PBRM1: variants seen among roughly 807,000 people sequenced by gnomAD.
The protein encoded by PBRM1 is protein polybromo-1.
Under a neutral mutation model 194.5 loss-of-function variants are expected in PBRM1, and 27 were observed. The observed-to-expected ratio is 0.14, with a 90% CI of 0.10 to 0.19. PBRM1 has a LOEUF of 0.19. Ranked by LOEUF, PBRM1 falls within the 10% of genes least tolerant of loss-of-function variation. The pLI, the probability that PBRM1 is intolerant of heterozygous loss-of-function variation, is 1.00. For missense variants in PBRM1, 1,466 were observed against 2,077.2 expected, an observed-to-expected ratio of 0.71 and a Z score of 5.72; for synonymous variants, 655 against 693.2, an observed-to-expected ratio of 0.94 and a Z score of 0.87.
chr3:52,576,506 T>C, intron 22 of PBRM1, 35 bp downstream of exon 24: 1 of 1,547,460 alleles, frequency 6.5e-7, no homozygotes, highest in South Asian at 1.2e-5. Context: ...TTTGATGGAA[T>C]AAACACGATT....
At chr3:52,668,874 T>C (rs143960145) in intron 2 of PBRM1, among the ~76,000 whole-genome samples, 165 of 151,982 alleles carry the variant, frequency 1.1e-3, no homozygotes, top group African/African-American at 3.8e-3. Context: ...ACGTTAATGA[T>C]ATAAAAACCT....
intron 13 of PBRM1, 28 bp from the exon 15 acceptor site, chr3:52,624,969 G>A (rs981949317): frequency 1.3e-6 from 2 of 1,518,068 alleles, no homozygotes; most frequent in African/African-American, 2.8e-5. Context: ...AACATTACAT[G>A]TAAAGAGAAA....
At chr3:52,662,076 G>A (rs2153913240) in intron 4 of PBRM1, 57 bp downstream of exon 5, 3 of 1,566,996 alleles carry the variant, frequency 1.9e-6, no homozygotes, top group Non-Finnish European at 2.6e-6. Flanking sequence ...ATCACAAGCA[G>A]GGGCCCTCTC....
At chr3:52,552,719 T>G (rs2081278722) in intron 27 of PBRM1, among the ~76,000 whole-genome samples, 2 of 152,198 alleles carry the variant, frequency 1.3e-5, no homozygotes. Context: ...GCATTAGACA[T>G]GGATCCCACT....
chr3:52,575,057 A>G (rs527310708), intron 22 of PBRM1, among the ~76,000 whole-genome samples: 47 of 151,956 alleles, frequency 3.1e-4, no homozygotes, highest in Non-Finnish European at 5.4e-4. Context: ...ATAGACCACC[A>G]CACCTGGATA....
chr3:52,571,856 C>CAAAAAAAAAAAAAAAAAAA lies in PBRM1; in HGVS notation c.3691+4666_3691+4684dup, dbSNP rs58430288. ...GAGCAAGAGGGATACCTCATCTCCC[C>CAAAAAAAAAAAAAAAAAAA]AAAAAAAAAAAAAAAAAAAAAAAAA... is the stretch of plus-strand genomic sequence containing the variant. On this transcript the variant is annotated intron_variant, in intron 22 of 29. Coordinates refer to ENST00000296302, the Ensembl canonical transcript of PBRM1. Among the ~76,000 whole-genome samples, 4 of 37,090 alleles carry CAAAAAAAAAAAAAAAAAAA rather than the reference C, an allele frequency of 1.1e-4. 2 individuals carry two copies. Among genetic ancestry groups the CAAAAAAAAAAAAAAAAAAA allele is most frequent in the African/African-American group, 4.6e-4 (4 of 8,720 alleles). 24.3% of individuals were successfully genotyped at this position (37,090 alleles called of 152,430 possible).
At chr3:52,604,527 G>A (rs945570069) in intron 16 of PBRM1, among the ~76,000 whole-genome samples, 21 of 151,866 alleles carry the variant, frequency 1.4e-4, no homozygotes, top group African/African-American at 3.4e-4. Context: ...ACAGCAAGAC[G>A]CTGTCTCAAC....
intron 4 of PBRM1, 113 bp from the exon 6 acceptor site, chr3:52,658,428 TG>T (rs1167889722): frequency 1.9e-6 from 1 of 538,430 alleles, no homozygotes; most frequent in Non-Finnish European, 3.3e-6. Flanking sequence ...TTTTTTTTTT[TG>T]AGATGGAGAG....
chr3:52,659,943 T>C (rs764034071), intron 4 of PBRM1, among the ~76,000 whole-genome samples: 3 of 152,112 alleles, frequency 2.0e-5, no homozygotes, highest in African/African-American at 4.8e-5. Context: ...AATACAAAAA[T>C]TAGCTGGTGT....
intron 1 of PBRM1, 127 bp downstream of exon 2, chr3:52,679,447 A>G (rs2097166864): frequency 1.3e-6 from 1 of 784,138 alleles, no homozygotes; most frequent in African/African-American, 1.7e-5. Context: ...CATAAAAGAA[A>G]AGACTATTAA....
At position 52,586,692 on chromosome 3, in the gene PBRM1, G is replaced by T. The variant is rs374475541; in HGVS notation, c.3124-4C>A. 4.4e-6 allele frequency: 7 copies of T among 1,597,882 alleles called. No individual in the cohort carries two copies. Among genetic ancestry groups the T allele is most frequent in the Admixed American group, 1.7e-5 (1 of 59,516 alleles). On this transcript the variant is annotated splice_polypyrimidine_tract_variant and splice_region_variant and intron_variant, in intron 19 of 29. Coordinates refer to ENST00000296302, the Ensembl canonical transcript of PBRM1. Reference sequence around the variant, plus strand: ...CTGGGCATAACTTAAAGTATTCCTGGGGGGTGGGGAGGGCATAAGAATAAA... The same window carrying T: ...CTGGGCATAACTTAAAGTATTCCTGTGGGGTGGGGAGGGCATAAGAATAAA...
At position 52,630,674 on chromosome 3, in the gene PBRM1, T is replaced by C. The variant is rs528394041; in HGVS notation, c.1302-1639A>G. On this transcript the variant is annotated intron_variant, in intron 11 of 29. Coordinates refer to ENST00000296302, the Ensembl canonical transcript of PBRM1. ...CGGAAGGCAGCAACATTAGACATAA[T>C]AGTTTACCCTTCAGAACTTTAGTGT... Among the ~76,000 whole-genome samples the C allele has an allele frequency of 3.1e-3, 470 of 152,304 alleles. 2 individuals carry two copies. The highest frequency in any genetic ancestry group is 6.8e-3 in the Middle Eastern group (2 of 294).
At chr3:52,595,396 T>C (rs1453232747) in intron 17 of PBRM1, among the ~76,000 whole-genome samples, 1 of 152,116 alleles carries the variant, frequency 6.6e-6, no homozygotes, top group Non-Finnish European at 1.5e-5. Context: ...TTAACTGGAG[T>C]GATATGATAT....
intron 10 of PBRM1, 35 bp from the exon 12 acceptor site, chr3:52,634,850 A>G: frequency 7.1e-7 from 1 of 1,412,452 alleles, no homozygotes; most frequent in Non-Finnish European, 1.0e-6. Flanking sequence ...TAAAGGGACG[A>G]ATGAGATGAA....
intron 1 of PBRM1, 45 bp from the exon 3 acceptor site, chr3:52,678,642 G>A (rs2154059363): frequency 8.3e-7 from 1 of 1,204,064 alleles, no homozygotes; most frequent in Non-Finnish European, 1.2e-6. Flanking sequence ...AAAGTGAACA[G>A]AAAGCCAGTG....
chr3:52,684,609 C>T (rs969178485), upstream of PBRM1, among the ~76,000 whole-genome samples: 3 of 152,278 alleles, frequency 2.0e-5, no homozygotes, highest in African/African-American at 7.2e-5. Flanking sequence ...AAAATGTTAA[C>T]AAACCACATA....
chr3:52,623,140 C>T (rs556014330), intron 13 of PBRM1, among the ~76,000 whole-genome samples: 1 of 152,270 alleles, frequency 6.6e-6, no homozygotes, highest in African/African-American at 2.4e-5. Flanking sequence ...AAAGTTGGCA[C>T]AGCCCGGCAC....
rs2153932185 is a variant in PBRM1 at position 52,662,337 on chromosome 3, A to C, written c.385-61T>G. 2.1e-6 allele frequency: 3 copies of C among 1,430,404 alleles called. No homozygotes were observed. In the South Asian group the frequency reaches 3.9e-5, roughly 19 times the overall value. The allele number at this position is 1,430,404 out of a possible 1,614,324, so 88.6% of individuals were successfully genotyped here. ...AGTAATGTATTGGAAATTAGTTGCT[A>C]CTTTTAAAGCACCTGTTTCAGCAAA... On this transcript the variant is annotated intron_variant, in intron 3 of 29. Coordinates refer to ENST00000296302, the Ensembl canonical transcript of PBRM1.
At chr3:52,640,607 T>C (rs1020386133) in intron 10 of PBRM1, among the ~76,000 whole-genome samples, 6 of 151,678 alleles carry the variant, frequency 4.0e-5, no homozygotes, top group Non-Finnish European at 8.8e-5. Context: ...CTTATGTTTT[T>C]ATATTTGATG....
Sources: allele counts gnomAD v4.1 joint callset (sites outside exome capture counted in the v4.1 genomes callset), GRCh38; gene constraint gnomAD v4.1.1; transcripts MANE v1.5; gene names NCBI Gene and HGNC (gene_info 2026-07-23, HGNC 2026-07-21).